Variants in BCAR3 observed in about 807,000 individuals in gnomAD.
BCAR3 encodes BCAR3 adaptor protein, NSP family member.
In BCAR3, 37 loss-of-function variants were observed where a neutral mutation model predicts 80.1. The observed-to-expected ratio is 0.46, with a 90% CI of 0.36 to 0.61. The LOEUF (loss-of-function observed/expected upper bound fraction) is 0.61, where lower values mean the gene tolerates loss of function less well. BCAR3 is among the 20% of genes least tolerant of loss of function. The pLI, the probability that BCAR3 is intolerant of heterozygous loss-of-function variation, is 0.00. For missense variants in BCAR3, 978 were observed against 1,068.2 expected (o/e 0.92, Z 1.18); for synonymous variants, 389 against 418.9 (o/e 0.93, Z 0.87).
intron 2 of BCAR3, among the ~76,000 whole-genome samples, chr1:93,826,453 C>G (rs1336296475): frequency 1.3e-5 from 2 of 152,198 alleles, no homozygotes; most frequent in Non-Finnish European, 2.9e-5. Flanking sequence ...TCTTCGCTCC[C>G]ATTCCTTCTG....
upstream of BCAR3, chr1:93,847,904 C>T (rs1280589122): frequency 1.7e-5 from 4 of 241,014 alleles, no homozygotes; most frequent in Admixed American, 1.1e-4. Flanking sequence ...AGAGCGGCGG[C>T]GGCGGCGGCG....
intron 2 of BCAR3, among the ~76,000 whole-genome samples, chr1:93,645,642 G>C (rs1676129857): frequency 6.6e-6 from 1 of 151,196 alleles, no homozygotes; most frequent in Non-Finnish European, 1.5e-5. Flanking sequence ...GGATCTTTGT[G>C]TGTGTGTGTG....
At chr1:93,733,232 G>A (rs944964672) in intron 2 of BCAR3, among the ~76,000 whole-genome samples, 4 of 152,112 alleles carry the variant, frequency 2.6e-5, no homozygotes, top group South Asian at 2.1e-4. Context: ...ACTCAGGCCC[G>A]CCTGAGGACA....
chr1:93,674,961 G>A lies in BCAR3; in HGVS notation c.-11-20C>T, dbSNP rs763363464. 1.3e-6 allele frequency: 2 copies of A among 1,505,908 alleles called. No homozygotes were observed. Among genetic ancestry groups the A allele is most frequent in the Non-Finnish European group, 1.8e-6 (2 of 1,126,964 alleles). 93.3% of individuals were successfully genotyped at this position (1,505,908 alleles called of 1,614,324 possible). On this transcript the variant is annotated intron_variant, in intron 1 of 11. Transcript: ENST00000260502. ...TCAACTCTAAGGGGGAAAGAAAAGAGTGAAGGTATAAATCTATGAGAGTCA... is the reference window on the plus strand; with the variant it reads ...TCAACTCTAAGGGGGAAAGAAAAGAATGAAGGTATAAATCTATGAGAGTCA...
intron 2 of BCAR3, among the ~76,000 whole-genome samples, chr1:93,783,966 T>C (rs534245987): frequency 5.3e-5 from 8 of 152,318 alleles, no homozygotes; most frequent in East Asian, 1.9e-4. Context: ...TCTCTTGCGA[T>C]GTTTACCCTT....
chr1:93,570,237 C>T (rs1308342129), intron 9 of BCAR3, among the ~76,000 whole-genome samples: 1 of 152,178 alleles, frequency 6.6e-6, no homozygotes, highest in Non-Finnish European at 1.5e-5. Flanking sequence ...CATGATCTGA[C>T]TTGCGGGACA....
rs143070504 is a variant in BCAR3, at chr1:93,730,128, A to C, written c.-62-23986T>G. The stretch of plus-strand genomic sequence containing the variant: ...TATAAGCATCTCTCAGTTCCTCCAG[A>C]TGTCCCTCTTGACACTAGTTTGTTT... On this transcript the variant is annotated intron_variant, in intron 2 of 13. Transcript: ENST00000370244. 2.7e-4 allele frequency among the ~76,000 whole-genome samples: 41 copies of C among 152,100 alleles called. No homozygotes were observed. In the East Asian group the frequency reaches 7.9e-3, roughly 29 times the overall value.
rs1387312224 is a variant in BCAR3, at chr1:93,694,074, T to C, written c.-12+12018A>G. 2.6e-5 allele frequency among the ~76,000 whole-genome samples: 4 copies of C among 152,206 alleles called. No individual in the cohort carries two copies. The East Asian group carries it at 5.8e-4, about 22-fold the overall frequency. On this transcript the variant is annotated intron_variant, in intron 3 of 13. Coordinates refer to the BCAR3 transcript ENST00000370244. The stretch of plus-strand genomic sequence containing the variant: ...CCCAAGGTTGCATGTCTAAAAAGTA[T>C]CAGAGGATGAGAATACAGATCTGAC...
At chr1:93,773,904 C>G (rs1354365374) in intron 2 of BCAR3, among the ~76,000 whole-genome samples, 1 of 152,168 alleles carries the variant, frequency 6.6e-6, no homozygotes, top group East Asian at 1.9e-4. Flanking sequence ...AACTCCTTCT[C>G]TATTCCCTAC....
intron 2 of BCAR3, among the ~76,000 whole-genome samples, chr1:93,818,102 G>A (rs994762436): frequency 7.9e-5 from 12 of 152,206 alleles, no homozygotes; most frequent in African/African-American, 1.4e-4. Context: ...ACTTTGCTAT[G>A]TTATTTTTCA....
At chr1:93,809,923 C>T (rs984105508) in intron 2 of BCAR3, among the ~76,000 whole-genome samples, 6 of 151,568 alleles carry the variant, frequency 4.0e-5, no homozygotes, top group South Asian at 4.2e-4. Context: ...ACTGCTGGCC[C>T]GATGCGGTGG....
At position 93,722,781 on chromosome 1, in the gene BCAR3, G is replaced by A. The variant is rs142461631; in HGVS notation, c.-62-16639C>T. On this transcript the variant is annotated intron_variant, in intron 2 of 13. Coordinates refer to the BCAR3 transcript ENST00000370244. ...TGTGCTTTGATTGCTGACAAGGGCC[G>A]CAGACCCTCTAGTCAGGCGAACAGG... Among the ~76,000 whole-genome samples the A allele has an allele frequency of 6.5e-3, 993 of 152,208 alleles. 7 individuals are homozygous for A. The highest frequency in any genetic ancestry group is 7.6e-3 in the Non-Finnish European group (516 of 68,006).
chr1:93,685,351 CTA>C (rs1648938368), upstream of BCAR3, among the ~76,000 whole-genome samples: 2 of 140,086 alleles, frequency 1.4e-5, no homozygotes, highest in South Asian at 2.2e-4. Flanking sequence ...ACCAGAGTTT[CTA>C]TGTGTGTGTG....
intron 2 of BCAR3, among the ~76,000 whole-genome samples, chr1:93,738,744 T>A (rs1196161236): frequency 6.6e-6 from 1 of 151,962 alleles, no homozygotes; most frequent in African/African-American, 2.4e-5. Flanking sequence ...CAGTCCTGAG[T>A]CAGCCAAGAC....
At position 93,675,003 on chromosome 1, in the gene BCAR3, A is replaced by G. The variant is rs1310709475; in HGVS notation, c.-11-62T>C. On this transcript the variant is annotated intron_variant, in intron 1 of 11. Coordinates refer to ENST00000260502, the MANE Select transcript of BCAR3 (RefSeq NM_003567.4). The stretch of plus-strand genomic sequence containing the variant: ...TGAGAGTCACAAGAACTGACTTCCT[A>G]CTTACAAAAGGAAATGGAAATATGC... 3.7e-6 allele frequency: 5 copies of G among 1,346,100 alleles called. No individual in the cohort carries two copies. The South Asian group carries it at 7.7e-5, about 21-fold the overall frequency. 83.4% of individuals were successfully genotyped at this position (1,346,100 alleles called of 1,614,324 possible).
chr1:93,766,586 A>G (rs1652159264), intron 2 of BCAR3, among the ~76,000 whole-genome samples: 1 of 152,240 alleles, frequency 6.6e-6, no homozygotes, highest in Admixed American at 6.5e-5. Context: ...TGGCCACAGC[A>G]CACATCCAGC....
At chr1:93,819,067 G>A (rs1571149023) in intron 2 of BCAR3, among the ~76,000 whole-genome samples, 1 of 151,100 alleles carries the variant, frequency 6.6e-6, no homozygotes, top group African/African-American at 2.4e-5. Flanking sequence ...TCTGTGGGTT[G>A]TCCTTTTTTT....
upstream of BCAR3, chr1:93,847,876 T>C (rs1029353589): frequency 2.9e-5 from 6 of 207,722 alleles, no homozygotes; most frequent in Non-Finnish European, 5.8e-5. Flanking sequence ...GACTGGGCAG[T>C]CGATGTAGGT....
At chr1:93,589,726 A>G (rs930033992) in intron 4 of BCAR3, among the ~76,000 whole-genome samples, 3 of 152,192 alleles carry the variant, frequency 2.0e-5, no homozygotes, top group South Asian at 2.1e-4. Context: ...TTTAGTGAGG[A>G]TAAATAACCA....
Sources: allele counts gnomAD v4.1 joint callset (sites outside exome capture counted in the v4.1 genomes callset), GRCh38; gene constraint gnomAD v4.1.1; transcripts MANE v1.5; gene names NCBI Gene and HGNC (gene_info 2026-07-23, HGNC 2026-07-21).